Variants in DAB2IP observed in about 807,000 individuals in gnomAD.
DAB2IP encodes disabled homolog 2-interacting protein.
In DAB2IP, 28 loss-of-function variants were observed where a neutral mutation model predicts 107.2. The observed-to-expected ratio is 0.26, with a 90% CI of 0.19 to 0.36. DAB2IP has a LOEUF of 0.36. Among genes scored for constraint, DAB2IP ranks in the 10% least tolerant of loss-of-function variants. DAB2IP has a pLI of 1.00. For missense variants in DAB2IP, 1,400 were observed against 1,644.7 expected (o/e 0.85, Z 2.57); for synonymous variants, 755 against 706.4 (o/e 1.07, Z -1.09).
chr9:121,682,117 C>A (rs768094244), intron 2 of DAB2IP, among the ~76,000 whole-genome samples: 1 of 152,196 alleles, frequency 6.6e-6, no homozygotes, highest in Non-Finnish European at 1.5e-5. Context: ...CTCACACAGA[C>A]CCTGTGCAGG....
chr9:121,686,076 T>A (rs1420446739), intron 2 of DAB2IP, among the ~76,000 whole-genome samples: 2 of 151,640 alleles, frequency 1.3e-5, no homozygotes, highest in Non-Finnish European at 2.9e-5. Flanking sequence ...GCTAGGAGAG[T>A]CTGGAGCTCC....
At chr9:121,693,280 C>G (rs776965221) in intron 2 of DAB2IP, among the ~76,000 whole-genome samples, 1 of 152,194 alleles carries the variant, frequency 6.6e-6, no homozygotes, top group African/African-American at 2.4e-5. Context: ...GCCCTCCTGA[C>G]TCTCACTCTG....
upstream of DAB2IP, among the ~76,000 whole-genome samples, chr9:121,647,863 C>T (rs1022833666): frequency 6.7e-5 from 10 of 148,570 alleles, no homozygotes; most frequent in East Asian, 1.9e-4. Context: ...CATACATATA[C>T]GTATTATATA....
At chr9:121,773,646 C>A in intron 12 of DAB2IP, 151 bp downstream of exon 12, 1 of 1,054,736 alleles carries the variant, frequency 9.5e-7, no homozygotes. Flanking sequence ...CGCCACCACC[C>A]CCTCCCCCTG....
chr9:121,699,341 G>T lies in DAB2IP; in HGVS notation c.245G>T (p.Arg82Leu), dbSNP rs759871065. 7.2e-7 allele frequency: 1 copy of T among 1,382,842 alleles called. No homozygotes were observed. The highest frequency in any genetic ancestry group is 9.6e-7 in the Non-Finnish European group (1 of 1,046,924). 85.7% of individuals were successfully genotyped at this position (1,382,842 alleles called of 1,614,324 possible). A position where few individuals can be genotyped will look rare whatever the true frequency, so the allele number is the denominator to read the frequency against. The change falls in exon 3 of 16, where the codon CGC becomes CTC. Residue 82 changes from arginine to leucine, a missense_variant. Arg to Leu is a moderately radical substitution (Grantham distance 102). Coordinates refer to ENST00000408936, the Ensembl canonical transcript of DAB2IP. This position sits in a 1 kb window ranked among gnomAD's most constrained non-coding sequence, Gnocchi z 6.2. ...CGTGCGCAGGGCTTCCTCAGCCGCC[G>T]CCTCAAGGGCTCCATCAAGCGCACC...
intron 3 of DAB2IP, among the ~76,000 whole-genome samples, chr9:121,745,280 A>G (rs1832646946): frequency 6.6e-6 from 1 of 152,138 alleles, no homozygotes; most frequent in Admixed American, 6.5e-5. Flanking sequence ...CTTGAGAGCC[A>G]CAGGTGGCTT....
chr9:121,759,679 A>AG (rs1460573116), intron 5 of DAB2IP, among the ~76,000 whole-genome samples: 1 of 152,184 alleles, frequency 6.6e-6, no homozygotes, highest in Non-Finnish European at 1.5e-5. Context: ...TGCTTGCCCA[A>AG]GGTGAGTGAG....
intron 5 of DAB2IP, among the ~76,000 whole-genome samples, chr9:121,759,601 C>T (rs1054038085): frequency 6.6e-6 from 1 of 152,202 alleles, no homozygotes; most frequent in African/African-American, 2.4e-5. Context: ...TCAGTCTCGC[C>T]CTCTATGAGA....
chr9:121,639,687 T>A (rs1832211817), intron 1 of DAB2IP, among the ~76,000 whole-genome samples: 1 of 152,154 alleles, frequency 6.6e-6, no homozygotes, highest in South Asian at 2.1e-4. Context: ...ATGAGGTTTA[T>A]AACCCCTCCC....
chr9:121,656,825 G>A (rs1428272754), intron 1 of DAB2IP, among the ~76,000 whole-genome samples: 2 of 152,192 alleles, frequency 1.3e-5, no homozygotes, highest in Non-Finnish European at 2.9e-5. Flanking sequence ...TGAAAGCTTT[G>A]CCCAAAGCCA....
At chr9:121,677,488 C>G (rs1833968006) in intron 1 of DAB2IP, among the ~76,000 whole-genome samples, 1 of 152,092 alleles carries the variant, frequency 6.6e-6, no homozygotes, top group Non-Finnish European at 1.5e-5. Context: ...TCACTGCACT[C>G]CAGCCTGAGC....
chr9:121,758,825 G>C, intron 4 of DAB2IP, 73 bp from the exon 5 acceptor site: 2 of 1,393,314 alleles, frequency 1.4e-6, no homozygotes, highest in Non-Finnish European at 2.0e-6. Context: ...GAGCCTCCAA[G>C]GTCTTCTTCC....
At chr9:121,593,197 C>A (rs979286907) in intron 1 of DAB2IP, among the ~76,000 whole-genome samples, 2 of 152,122 alleles carry the variant, frequency 1.3e-5, no homozygotes, top group Non-Finnish European at 2.9e-5. Context: ...GATCATCCTG[C>A]CTCAGCCTTC....
chr9:121,777,956 C>A (rs1235404227), intron 14 of DAB2IP, among the ~76,000 whole-genome samples: 1 of 152,188 alleles, frequency 6.6e-6, no homozygotes, highest in South Asian at 2.1e-4. Context: ...CCTTTTGATT[C>A]GTGTTGGTAT....
At chr9:121,770,501 T>C (rs1410669714) in intron 10 of DAB2IP, 45 bp from the exon 11 acceptor site, 13 of 1,591,432 alleles carry the variant, frequency 8.2e-6, no homozygotes, top group Non-Finnish European at 1.1e-5. Context: ...AGCCTACCCA[T>C]GTGGTCCCAG....
chr9:121,743,002 G>A, intron 3 of DAB2IP: 2 of 985,382 alleles, frequency 2.0e-6, no homozygotes, highest in Non-Finnish European at 1.2e-6. Flanking sequence ...GGGGCCTGTG[G>A]TCCAGGTGGG....
At chr9:121,608,008 C>T (rs191144094) in intron 1 of DAB2IP, among the ~76,000 whole-genome samples, 34 of 152,338 alleles carry the variant, frequency 2.2e-4, no homozygotes, top group African/African-American at 7.2e-4. Flanking sequence ...TCAAAGCTGG[C>T]GCTGCTTCCG....
upstream of DAB2IP, among the ~76,000 whole-genome samples, chr9:121,647,857 C>A (rs1832594697): frequency 6.7e-6 from 1 of 148,876 alleles, no homozygotes; most frequent in African/African-American, 2.5e-5. Context: ...TATATACATA[C>A]ATATACGTAT....
intron 1 of DAB2IP, among the ~76,000 whole-genome samples, chr9:121,664,286 CTA>C (rs779889896): frequency 2.0e-5 from 3 of 152,178 alleles, no homozygotes; most frequent in Non-Finnish European, 4.4e-5. Context: ...TGTAAATTAG[CTA>C]TGTTTCAAGA....
Sources: gnomAD v4.1 joint callset for allele counts (sites outside exome capture counted in the v4.1 genomes callset) on GRCh38, gnomAD v4.1.1 for gene constraint, Gnocchi (gnomAD v3.1) non-coding constraint, MANE v1.5 for transcripts, NCBI Gene and HGNC (gene_info 2026-07-23, HGNC 2026-07-21) for gene names.